Variants in MOB1A observed in about 807,000 individuals in gnomAD.
MOB1A encodes MOB kinase activator 1A, also known as MOB1 Mps One Binder homolog A.
In MOB1A, 10 loss-of-function variants were observed where a neutral mutation model predicts 25.1. That is an observed-to-expected ratio of 0.40 (90% confidence interval 0.25 to 0.68). MOB1A has a LOEUF of 0.68. Among genes scored for constraint, MOB1A ranks in the 30% least tolerant of loss-of-function variants. MOB1A has a pLI of 0.40. For missense variants in MOB1A, 177 were observed against 256.3 expected, an observed-to-expected ratio of 0.69 and a Z score of 2.11; for synonymous variants, 81 against 79.5, an observed-to-expected ratio of 1.02 and a Z score of -0.10.
At chr2:74,178,632 C>T in intron 1 of MOB1A, 29 bp downstream of exon 1, 2 of 1,383,698 alleles carry the variant, frequency 1.4e-6, no homozygotes, top group East Asian at 3.0e-5. Context: ...GGCCCGCAGG[C>T]CCGGCGCCCG....
intron 3 of MOB1A, among the ~76,000 whole-genome samples, chr2:74,166,156 C>T (rs901953673): frequency 2.0e-5 from 3 of 151,940 alleles, no homozygotes; most frequent in East Asian, 3.9e-4. Flanking sequence ...TTAATCCCAT[C>T]ATATGATGGA....
At chr2:74,166,574 C>G (rs1693134187) in intron 3 of MOB1A, among the ~76,000 whole-genome samples, 1 of 152,136 alleles carries the variant, frequency 6.6e-6, no homozygotes, top group South Asian at 2.1e-4. Flanking sequence ...GTGGCTCACA[C>G]CTTTAATCCC....
At chr2:74,177,810 G>A (rs7594050) in intron 1 of MOB1A, among the ~76,000 whole-genome samples, 21,490 of 152,148 alleles carry the variant, frequency 0.14, 1,807 homozygotes, top group East Asian at 0.38. Context: ...AGAGACACCT[G>A]AGAATAAAAA....
At position 74,165,347 on chromosome 2, in the gene MOB1A, C is replaced by T. The variant is rs1192511528; in HGVS notation, c.280G>A (p.Glu94Lys). The T allele has an allele frequency of 6.6e-7, 1 of 1,516,002 alleles. No homozygotes were observed. Among genetic ancestry groups the T allele is most frequent in the Non-Finnish European group, 8.8e-7 (1 of 1,132,042 alleles). 93.9% of individuals were successfully genotyped at this position (1,516,002 alleles called of 1,614,324 possible). A position where few individuals can be genotyped will look rare whatever the true frequency, so the allele number is the denominator to read the frequency against. The change falls in exon 4 of 6, where the codon GAA becomes AAA. Residue 94 changes from glutamate to lysine, a missense_variant. By Grantham distance (56) the Glu-to-Lys change is moderately conservative (BLOSUM62 1). Transcript: ENST00000396049. ...CPVMSAGPRY[E>K]YHWADGTNIK... ...TTAGTACCATCTGCCCAGTGATATTCATATCTGAAGAGAAAAATGTTTTAC... is the reference window on the plus strand; with the variant it reads ...TTAGTACCATCTGCCCAGTGATATTTATATCTGAAGAGAAAAATGTTTTAC...
At chr2:74,165,449 G>C (rs546815662) in intron 3 of MOB1A, 98 bp from the exon 4 acceptor site, 1 of 657,150 alleles carries the variant, frequency 1.5e-6, no homozygotes, top group African/African-American at 1.9e-5. Flanking sequence ...GTCAATAGAA[G>C]TTACATCTAA....
intron 2 of MOB1A, among the ~76,000 whole-genome samples, 174 bp from the exon 3 acceptor site, chr2:74,167,281 A>G (rs1157270288): frequency 6.6e-6 from 1 of 152,072 alleles, no homozygotes; most frequent in African/African-American, 2.4e-5. Context: ...TCTCTGAAAC[A>G]GTCTTGTTCT....
chr2:74,156,405 C>T lies in MOB1A; in HGVS notation c.*163G>A. 1 of 654,944 alleles carries T rather than the reference C, an allele frequency of 1.5e-6. No homozygotes were observed. 40.6% of individuals were successfully genotyped at this position (654,944 alleles called of 1,614,324 possible). A position where few individuals can be genotyped will look rare whatever the true frequency, so the allele number is the denominator to read the frequency against. On this transcript the variant is annotated 3_prime_UTR_variant, in exon 6 of 6. Transcript: ENST00000396049. ...CCTTAAGGTCTTACTCGGAAACTAT[C>T]ACACCAACCTACCTTTGGGATAATT...
chr2:74,164,184 G>C (rs938006834), intron 4 of MOB1A: 1 of 152,152 alleles, frequency 6.6e-6, no homozygotes, highest in Non-Finnish European at 1.5e-5. Context: ...AAACTGACTA[G>C]TATTTCCATT....
chr2:74,173,134 TC>T, intron 1 of MOB1A: 1 of 503,720 alleles, frequency 2.0e-6, no homozygotes, highest in South Asian at 1.5e-5. Context: ...AGACTCAGTC[TC>T]AAAAAAAACA....
chr2:74,162,664 G>C lies in MOB1A; in HGVS notation c.409+2554C>G, dbSNP rs574135824. ...AGATATATGAGAAAGGAAATAAAAG[G>C]TTTAATAGCAGAATGGAAAAACTGA... On this transcript the variant is annotated intron_variant, in intron 4 of 5. Coordinates refer to ENST00000396049, the MANE Select transcript of MOB1A (RefSeq NM_018221.5). 2.6e-5 allele frequency among the ~76,000 whole-genome samples: 4 copies of C among 152,198 alleles called. No homozygotes were observed. The East Asian group carries it at 7.7e-4, about 29-fold the overall frequency.
At chr2:74,164,607 C>T (rs1693074260) in intron 4 of MOB1A, 1 of 151,778 alleles carries the variant, frequency 6.6e-6, no homozygotes, top group Non-Finnish European at 1.5e-5. Flanking sequence ...ATATTAAAAT[C>T]AAGTCATAAA....
chr2:74,178,820 G>T lies in MOB1A; in HGVS notation c.-146C>A. 4.6e-6 allele frequency: 2 copies of T among 434,434 alleles called. No homozygotes were observed. Among genetic ancestry groups the T allele is most frequent in the Non-Finnish European group, 7.4e-6 (2 of 269,050 alleles). The allele number at this position is 434,434 out of a possible 1,614,324, so 26.9% of individuals were successfully genotyped here. On this transcript the variant is annotated 5_prime_UTR_variant, in exon 1 of 6. Coordinates refer to ENST00000396049, the MANE Select transcript of MOB1A (RefSeq NM_018221.5). ...TCGGAGCCGGGTTTCTGGCCGCTGC[G>T]AGCCTTTGCAAACCTCGGCGCCCGC...
intron 1 of MOB1A, 123 bp from the exon 2 acceptor site, chr2:74,172,875 G>A (rs566741162): frequency 8.9e-5 from 94 of 1,051,678 alleles, no homozygotes; most frequent in Non-Finnish European, 1.2e-4. Context: ...CTCTGGGCCA[G>A]GCATGGTGGC....
In MOB1A at chr2:74,172,597, A is replaced by T; in HGVS notation, c.170T>A (p.Ile57Asn). 6.2e-7 allele frequency: 1 copy of T among 1,612,814 alleles called. No homozygotes were observed. Among genetic ancestry groups the T allele is most frequent in the Non-Finnish European group, 8.5e-7 (1 of 1,179,542 alleles). Residue 57 changes from isoleucine to asparagine, a missense_variant, in exon 2 of 6, where the codon ATT becomes AAT. By Grantham distance (149) the Ile-to-Asn change is moderately radical (BLOSUM62 -3). Transcript: ENST00000396049. ...LPEGEDLNEW[I>N]AVNTVDFFNQ... ...ATTTTAAAACTTACTGTTCACAGCA[A>T]TCCATTCATTGAGATCCTCTCCCTC...
At position 74,153,153 on chromosome 2, in the gene MOB1A, G is replaced by A. The variant is rs1692704152; in HGVS notation, c.*3415C>T. On this transcript the variant is annotated 3_prime_UTR_variant, in exon 6 of 6. Coordinates refer to ENST00000396049, the MANE Select transcript of MOB1A (RefSeq NM_018221.5). ...CCAGGCTGGCATTTTTCAGGTGAGG[G>A]TTTCATACTGACAGGAGGCAGGCTC... is the stretch of plus-strand genomic sequence containing the variant. 6.6e-6 allele frequency: 1 copy of A among 152,166 alleles called. No homozygotes were observed. Among genetic ancestry groups the A allele is most frequent in the Non-Finnish European group, 1.5e-5 (1 of 68,024 alleles). The allele number at this position is 152,166 out of a possible 1,614,324, so 9.4% of individuals were successfully genotyped here.
In MOB1A at chr2:74,156,536, G is replaced by A. The variant is rs1480058914; in HGVS notation, c.*32C>T. On this transcript the variant is annotated 3_prime_UTR_variant, in exon 6 of 6. Transcript: ENST00000396049. The stretch of plus-strand genomic sequence containing the variant: ...TGAGATAGTTCTAGCAATAGATGAA[G>A]CAAGGGGGTAACTGTGTTCTAGAAG... 7.0e-7 allele frequency: 1 copy of A among 1,434,478 alleles called. No individual in the cohort carries two copies. The highest frequency in any genetic ancestry group is 9.6e-7 in the Non-Finnish European group (1 of 1,040,824). The allele number at this position is 1,434,478 out of a possible 1,614,324, so 88.9% of individuals were successfully genotyped here.
intron 4 of MOB1A, 56 bp from the exon 5 acceptor site, chr2:74,159,310 GT>G (rs1692894890): frequency 2.7e-6 from 4 of 1,506,954 alleles, no homozygotes; most frequent in Non-Finnish European, 2.7e-6. Context: ...GTAGAAAGTT[GT>G]TTATTTGTGA....
intron 1 of MOB1A, among the ~76,000 whole-genome samples, chr2:74,175,144 A>T (rs1376971981): frequency 6.6e-6 from 1 of 152,170 alleles, no homozygotes; most frequent in Non-Finnish European, 1.5e-5. Flanking sequence ...AGGAGCGTGA[A>T]CACTACTGTG....
intron 4 of MOB1A, chr2:74,164,177 C>A (rs144039723): frequency 2.1e-4 from 32 of 152,216 alleles, no homozygotes; most frequent in African/African-American, 7.2e-4. Context: ...ATGGGACAAA[C>A]TGACTAGTAT....
Sources: gnomAD v4.1 joint callset for allele counts (sites outside exome capture counted in the v4.1 genomes callset) on GRCh38, gnomAD v4.1.1 for gene constraint, MANE v1.5 for transcripts, NCBI Gene and HGNC (gene_info 2026-07-23, HGNC 2026-07-21) for gene names.